The following RHBDD1 variants were observed in gnomAD, a reference collection of about 807,000 sequenced individuals.
RHBDD1 encodes the protein rhomboid-related protein 4.
Under a neutral mutation model 36.3 loss-of-function variants are expected in RHBDD1, and 38 were observed. That is an observed-to-expected ratio of 1.05 (90% CI 0.81 to 1.37). RHBDD1 has a LOEUF of 1.37. RHBDD1 is among the 40% of genes most tolerant of loss of function. RHBDD1 has a pLI of 0.00. For synonymous variants in RHBDD1, 151 were observed against 136.5 expected (o/e 1.11, Z -0.74); for missense variants, 393 against 377.6 (o/e 1.04, Z -0.34).
intron 2 of RHBDD1, 82 bp downstream of exon 2, chr2:226,838,236 TGA>T (rs1941207312): frequency 6.6e-6 from 1 of 152,350 alleles, no homozygotes; most frequent in Admixed American, 6.5e-5. Flanking sequence ...TCCTGGATAT[TGA>T]GAGAGTTTTC....
In RHBDD1 at chr2:226,959,241, A is replaced by T. The variant is rs572954256; in HGVS notation, c.857-36190A>T. On this transcript the variant is annotated intron_variant, in intron 8 of 8. Coordinates refer to ENST00000392062, the MANE Select transcript of RHBDD1 (RefSeq NM_001167608.3). ...GGTGTTTAAGAAGGCACCGTATAAC[A>T]CGTAGCAAGCTATACAGTTATTAAT... Among the ~76,000 whole-genome samples, 183 of 152,352 alleles carry T rather than the reference A, an allele frequency of 1.2e-3. 2 individuals are homozygous for T. The highest frequency in any genetic ancestry group is 2.0e-3 in the Non-Finnish European group (137 of 68,038).
chr2:226,867,322 A>G lies in RHBDD1; in HGVS notation c.566+4A>G, dbSNP rs753752502. 5.6e-6 allele frequency: 9 copies of G among 1,608,568 alleles called. No individual in the cohort carries two copies. The South Asian group carries it at 9.0e-5, about 16-fold the overall frequency. On this transcript the variant is annotated splice_donor_region_variant and intron_variant, in intron 5 of 8. Coordinates refer to ENST00000392062, the MANE Select transcript of RHBDD1 (RefSeq NM_001167608.3). Reference sequence around the variant, plus strand: ...CTATTCATTTATTCTCACCAGGGTAAGTGTTTTCTTTTGGGGAATACAGTT... The same window carrying G: ...CTATTCATTTATTCTCACCAGGGTAGGTGTTTTCTTTTGGGGAATACAGTT...
intron 8 of RHBDD1, among the ~76,000 whole-genome samples, chr2:226,921,605 G>A (rs1949320717): frequency 6.6e-6 from 1 of 152,002 alleles, no homozygotes; most frequent in Non-Finnish European, 1.5e-5. Flanking sequence ...GGTCATTTAG[G>A]AACATATTGT....
intron 5 of RHBDD1, among the ~76,000 whole-genome samples, chr2:226,883,732 G>C (rs1280719210): frequency 1.3e-5 from 2 of 152,198 alleles, no homozygotes; most frequent in African/African-American, 4.8e-5. Flanking sequence ...ATAATGATGA[G>C]TGGAGGTTAT....
chr2:226,866,972 A>G (rs1457016746), intron 4 of RHBDD1, among the ~76,000 whole-genome samples: 3 of 152,254 alleles, frequency 2.0e-5, no homozygotes, highest in Admixed American at 1.3e-4. Flanking sequence ...CTGAACACCA[A>G]TATGAACTTC....
chr2:226,936,723 C>T (rs377300648), intron 8 of RHBDD1, among the ~76,000 whole-genome samples: 19 of 152,094 alleles, frequency 1.2e-4, no homozygotes, highest in African/African-American at 4.3e-4. Context: ...ATTCATTCTG[C>T]TACTCAACAG....
chr2:226,870,762 A>C (rs1286149043), intron 5 of RHBDD1, among the ~76,000 whole-genome samples: 1 of 152,224 alleles, frequency 6.6e-6, no homozygotes, highest in African/African-American at 2.4e-5. Context: ...TAGAGAAAAT[A>C]AAATGTTATT....
intron 8 of RHBDD1, among the ~76,000 whole-genome samples, chr2:226,953,496 T>G (rs1279832543): frequency 3.9e-5 from 6 of 152,212 alleles, no homozygotes; most frequent in Non-Finnish European, 7.3e-5. Flanking sequence ...GAGGTTGTTA[T>G]GAGCTCAGAG....
chr2:226,958,739 T>TGC (rs1951965848), intron 8 of RHBDD1, among the ~76,000 whole-genome samples: 1 of 150,328 alleles, frequency 6.7e-6, no homozygotes, highest in East Asian at 1.9e-4. Context: ...TGTGTGTGTG[T>TGC]GTGTGTAAAT....
At chr2:226,821,415 A>G in the RHBDD1 span, among the ~76,000 whole-genome samples, 1 of 152,124 alleles carries the variant, frequency 6.6e-6, no homozygotes, top group South Asian at 2.1e-4. Flanking sequence ...GTTAGTGTCC[A>G]CAGTCATTGA....
chr2:226,892,015 T>A (rs1946731240), intron 5 of RHBDD1, among the ~76,000 whole-genome samples: 1 of 152,214 alleles, frequency 6.6e-6, no homozygotes, highest in Admixed American at 6.5e-5. Context: ...TGGGGCTGTG[T>A]TTCTTTGACT....
At chr2:226,877,968 G>A (rs544148201) in intron 5 of RHBDD1, among the ~76,000 whole-genome samples, 1 of 150,622 alleles carries the variant, frequency 6.6e-6, no homozygotes, top group East Asian at 1.9e-4. Flanking sequence ...TGTCAACATG[G>A]TTTTTCTTAA....
Position 226,864,308 on chromosome 2 carries a change from G to T in RHBDD1, c.-90-296G>T, listed in dbSNP as rs566346224. On this transcript the variant is annotated intron_variant, in intron 3 of 8. Transcript: ENST00000392062. ...ACTATCTTTGTAGGTTTTTCATGAG[G>T]TTACATGTTTGTTTGGGAAGTGAAG... Among the ~76,000 whole-genome samples the T allele has an allele frequency of 2.0e-5, 3 of 152,170 alleles. No individual in the cohort carries two copies. The South Asian group carries it at 6.2e-4, about 32-fold the overall frequency.
intron 8 of RHBDD1, chr2:226,988,581 C>T (rs1403677671): frequency 5.1e-6 from 7 of 1,383,478 alleles, no homozygotes; most frequent in Admixed American, 3.3e-5. Flanking sequence ...GCATCAGAAA[C>T]ATCAGAAGAG....
At chr2:226,888,564 G>A (rs1946423128) in intron 5 of RHBDD1, among the ~76,000 whole-genome samples, 1 of 151,866 alleles carries the variant, frequency 6.6e-6, no homozygotes, top group African/African-American at 2.4e-5. Flanking sequence ...ATTTTTCATT[G>A]ACTCATTTGT....
chr2:226,876,664 T>G (rs1381822378), intron 5 of RHBDD1, among the ~76,000 whole-genome samples: 1 of 152,158 alleles, frequency 6.6e-6, no homozygotes, highest in African/African-American at 2.4e-5. Flanking sequence ...TCTCAAACTT[T>G]TGATCATAAA....
At chr2:226,848,540 C>T (rs1251729531) in intron 3 of RHBDD1, among the ~76,000 whole-genome samples, 1 of 152,170 alleles carries the variant, frequency 6.6e-6, no homozygotes, top group African/African-American at 2.4e-5. Flanking sequence ...AAATCAAATA[C>T]TTTTCTTAGG....
intron 5 of RHBDD1, among the ~76,000 whole-genome samples, chr2:226,871,269 TAAAG>T (rs1245933544): frequency 6.6e-6 from 1 of 152,198 alleles, no homozygotes; most frequent in Non-Finnish European, 1.5e-5. Context: ...TTTTCAAACA[TAAAG>T]AAATGTTGAT....
intron 3 of RHBDD1, among the ~76,000 whole-genome samples, chr2:226,863,195 C>T (rs1032865673): frequency 3.3e-5 from 5 of 152,058 alleles, no homozygotes; most frequent in African/African-American, 1.2e-4. Context: ...TAAAAATAGC[C>T]AGGCATGGTG....
Sources: allele counts gnomAD v4.1 joint callset (sites outside exome capture counted in the v4.1 genomes callset), GRCh38; gene constraint gnomAD v4.1.1; transcripts MANE v1.5; gene names NCBI Gene and HGNC (gene_info 2026-07-23, HGNC 2026-07-21).